ATP8A2: variants seen among roughly 807,000 people sequenced by gnomAD.
ATP8A2 encodes the protein ATPase phospholipid transporting 8A2.
In ATP8A2, 100 loss-of-function variants were observed where a neutral mutation model predicts 165.6. That is an observed-to-expected ratio of 0.60 (90% CI 0.51 to 0.71). ATP8A2 has a LOEUF of 0.71. Among genes scored for constraint, ATP8A2 ranks in the 30% least tolerant of loss-of-function variants. The pLI is 0.00. For missense variants in ATP8A2, 1,227 were observed against 1,479.5 expected, an observed-to-expected ratio of 0.83 and a Z score of 2.80; for synonymous variants, 543 against 548.8, an observed-to-expected ratio of 0.99 and a Z score of 0.15.
chr13:25,623,723 G>A (rs970754463), intron 24 of ATP8A2, among the ~76,000 whole-genome samples: 2 of 151,926 alleles, frequency 1.3e-5, no homozygotes, highest in East Asian at 1.9e-4. Context: ...AAAACTGCAC[G>A]GACTTCTCTT....
At chr13:25,538,596 A>G (rs1321365291) in intron 7 of ATP8A2, among the ~76,000 whole-genome samples, 1 of 152,218 alleles carries the variant, frequency 6.6e-6, no homozygotes, top group Non-Finnish European at 1.5e-5. Context: ...TATTCTAGGA[A>G]GGAATCATCA....
chr13:25,889,275 A>ATATATATATATATAG (rs1566239890), intron 33 of ATP8A2, among the ~76,000 whole-genome samples: 6 of 84,886 alleles, frequency 7.1e-5, no homozygotes, highest in African/African-American at 4.0e-4. Context: ...TATATATATA[A>ATATATATATATATAG]AATTTAAATG....
intron 35 of ATP8A2, among the ~76,000 whole-genome samples, chr13:25,991,004 G>A (rs1399707386): frequency 2.6e-5 from 4 of 152,116 alleles, no homozygotes; most frequent in Non-Finnish European, 5.9e-5. Flanking sequence ...GGAATGAGGT[G>A]ATGGTTTCCA....
At chr13:25,824,709 AT>A (rs948375865) in intron 27 of ATP8A2, among the ~76,000 whole-genome samples, 2 of 151,540 alleles carry the variant, frequency 1.3e-5, no homozygotes, top group East Asian at 1.9e-4. Context: ...ATGATTCTGC[AT>A]TTTTTTTCTT....
intron 33 of ATP8A2, among the ~76,000 whole-genome samples, chr13:25,878,306 A>G (rs1009111380): frequency 1.3e-5 from 2 of 152,230 alleles, no homozygotes; most frequent in Admixed American, 1.3e-4. Context: ...GAGTAATTCC[A>G]TGTCATCCAC....
chr13:25,434,458 C>T (rs563858159), intron 1 of ATP8A2, among the ~76,000 whole-genome samples: 6 of 152,150 alleles, frequency 3.9e-5, no homozygotes, highest in African/African-American at 1.2e-4. Flanking sequence ...AAGTGTTTCT[C>T]GTGCCTCAGC....
chr13:25,414,635 G>A (rs61947566), intron 1 of ATP8A2, among the ~76,000 whole-genome samples: 33,493 of 152,142 alleles, frequency 0.22, 4,201 homozygotes, highest in East Asian at 0.46. Flanking sequence ...TGTACTTTAC[G>A]TGTATGTCAC....
chr13:25,514,173 G>T (rs771787832), intron 2 of ATP8A2, among the ~76,000 whole-genome samples: 3 of 151,986 alleles, frequency 2.0e-5, no homozygotes, highest in African/African-American at 7.3e-5. Context: ...TTAGGCTAGC[G>T]TACTTCCAAT....
In ATP8A2 at chr13:25,764,062, GA is replaced by G. The variant is rs560087754; in HGVS notation, c.2385-4983del. On this transcript the variant is annotated intron_variant, in intron 25 of 36. Coordinates refer to ENST00000381655, the MANE Select transcript of ATP8A2 (RefSeq NM_016529.6). ...TTCAATAAGAAAATCCTTTTCATAG[GA>G]TAGTATTTTCAACAGGAAAATGAAC... Among the ~76,000 whole-genome samples, 745 of 152,206 alleles carry G rather than the reference GA, an allele frequency of 4.9e-3. 5 individuals carry two copies. Among genetic ancestry groups the G allele is most frequent in the African/African-American group, 0.017 (709 of 41,532 alleles).
chr13:25,547,747 C>A (rs1339986970), intron 10 of ATP8A2, among the ~76,000 whole-genome samples: 2 of 152,154 alleles, frequency 1.3e-5, no homozygotes, highest in South Asian at 4.1e-4. Flanking sequence ...GCTTTTCTAA[C>A]TAGAATTCAA....
intron 16 of ATP8A2, among the ~76,000 whole-genome samples, chr13:25,567,920 A>G (rs1019100734): frequency 6.6e-6 from 1 of 152,336 alleles, no homozygotes; most frequent in Admixed American, 6.5e-5. Context: ...CATTTTGCCA[A>G]AATGTGTCTG....
At chr13:25,720,900 G>A (rs866585969) in intron 25 of ATP8A2, among the ~76,000 whole-genome samples, 44 of 151,934 alleles carry the variant, frequency 2.9e-4, no homozygotes, top group African/African-American at 8.7e-4. Context: ...AAGGCTGAAC[G>A]TAGTGCTGGA....
intron 12 of ATP8A2, among the ~76,000 whole-genome samples, chr13:25,554,174 G>A (rs1298033380): frequency 6.6e-6 from 1 of 152,172 alleles, no homozygotes; most frequent in East Asian, 1.9e-4. Flanking sequence ...GCCAGTGCCT[G>A]TCATCTGGCT....
intron 27 of ATP8A2, among the ~76,000 whole-genome samples, chr13:25,821,925 G>T (rs1459915290): frequency 6.6e-6 from 1 of 152,052 alleles, no homozygotes; most frequent in Non-Finnish European, 1.5e-5. Context: ...AAACATGAAT[G>T]TGTTAAACAA....
chr13:25,919,920 G>A (rs527482392), intron 33 of ATP8A2, among the ~76,000 whole-genome samples: 82 of 151,896 alleles, frequency 5.4e-4, no homozygotes, highest in African/African-American at 1.9e-3. Flanking sequence ...CCAAGTAGCT[G>A]GGACCACAGA....
At chr13:25,753,199 A>G (rs1472756766) in intron 25 of ATP8A2, among the ~76,000 whole-genome samples, 1 of 152,228 alleles carries the variant, frequency 6.6e-6, no homozygotes, top group Non-Finnish European at 1.5e-5. Context: ...AGAACACTGT[A>G]TGAGCAAAAG....
intron 33 of ATP8A2, among the ~76,000 whole-genome samples, chr13:25,900,877 C>T (rs1266842682): frequency 6.6e-6 from 1 of 152,206 alleles, no homozygotes; most frequent in African/African-American, 2.4e-5. Flanking sequence ...ACCACACCTC[C>T]ATTCTAGCCA....
intron 33 of ATP8A2, among the ~76,000 whole-genome samples, chr13:25,951,497 T>C (rs934827808): frequency 6.6e-6 from 1 of 152,198 alleles, no homozygotes; most frequent in African/African-American, 2.4e-5. Context: ...GGAGATTGAA[T>C]GAAAAAGGCA....
intron 30 of ATP8A2, among the ~76,000 whole-genome samples, chr13:25,840,601 C>T (rs1020857981): frequency 2.0e-5 from 3 of 152,042 alleles, no homozygotes; most frequent in African/African-American, 7.2e-5. Context: ...CTTTCTAGCC[C>T]CACCCCAAAA....
Sources: gnomAD v4.1 joint callset for allele counts (sites outside exome capture counted in the v4.1 genomes callset) on GRCh38, gnomAD v4.1.1 for gene constraint, MANE v1.5 for transcripts, NCBI Gene and HGNC (gene_info 2026-07-23, HGNC 2026-07-21) for gene names.